Variants in SLC35F4 observed in about 807,000 individuals in gnomAD.
SLC35F4 encodes the protein chromosome 14 open reading frame 36.
In SLC35F4, 24 loss-of-function variants were observed where a neutral mutation model predicts 44.2. The ratio of observed to expected loss-of-function variants is 0.54; its 90% CI spans 0.39 to 0.76. SLC35F4 has a LOEUF of 0.76. Among genes scored for constraint, SLC35F4 ranks in the 30% least tolerant of loss-of-function variants. The pLI, the probability that SLC35F4 is intolerant of heterozygous loss-of-function variation, is 0.00. For synonymous variants in SLC35F4, 238 were observed against 223.6 expected (o/e 1.06, Z -0.57); for missense variants, 562 against 586.1 (o/e 0.96, Z 0.42).
At chr14:57,701,479 A>C (rs2075539948) in intron 1 of SLC35F4, among the ~76,000 whole-genome samples, 1 of 152,212 alleles carries the variant, frequency 6.6e-6, no homozygotes, top group Admixed American at 6.5e-5. Context: ...TATCATTATC[A>C]AGTATTATAT....
At chr14:57,916,144 C>A (rs1889325347) in intron 1 of SLC35F4, among the ~76,000 whole-genome samples, 1 of 152,074 alleles carries the variant, frequency 6.6e-6, no homozygotes, top group Non-Finnish European at 1.5e-5. Context: ...CATGGTGAAA[C>A]AATGGAAGGG....
intron 1 of SLC35F4, among the ~76,000 whole-genome samples, chr14:57,806,577 TTTTA>T (rs1315802607): frequency 6.6e-6 from 1 of 152,192 alleles, no homozygotes; most frequent in Non-Finnish European, 1.5e-5. Context: ...CTTCAAATAA[TTTTA>T]TTTAATAGAA....
At chr14:57,855,912 T>C (rs1024804351) in intron 1 of SLC35F4, among the ~76,000 whole-genome samples, 1 of 152,218 alleles carries the variant, frequency 6.6e-6, no homozygotes, top group South Asian at 2.1e-4. Context: ...AGCTGGAAAC[T>C]ATCATTCTCA....
intron 1 of SLC35F4, among the ~76,000 whole-genome samples, chr14:57,629,640 GTTT>G (rs2072664978): frequency 6.6e-6 from 1 of 152,064 alleles, no homozygotes; most frequent in Admixed American, 6.6e-5. Flanking sequence ...AAAAGAAACT[GTTT>G]TCTCATGGAA....
At chr14:57,813,641 GT>G (rs1310837148) in intron 1 of SLC35F4, among the ~76,000 whole-genome samples, 2 of 152,118 alleles carry the variant, frequency 1.3e-5, no homozygotes, top group Admixed American at 1.3e-4. Flanking sequence ...AAGATATGGG[GT>G]TTTATAAGTA....
intron 1 of SLC35F4, among the ~76,000 whole-genome samples, chr14:57,900,489 C>T (rs1888977153): frequency 1.3e-5 from 2 of 152,130 alleles, no homozygotes; most frequent in Admixed American, 6.5e-5. Context: ...GGAAAGTGCC[C>T]CTCTCTTTCT....
At chr14:57,857,753 C>T (rs2141002051) in intron 1 of SLC35F4, among the ~76,000 whole-genome samples, 1 of 152,080 alleles carries the variant, frequency 6.6e-6, no homozygotes, top group East Asian at 1.9e-4. Flanking sequence ...GATTAGCCAG[C>T]CTGGGGCATT....
intron 1 of SLC35F4, among the ~76,000 whole-genome samples, chr14:57,832,566 A>G (rs570095699): frequency 6.6e-6 from 1 of 152,336 alleles, no homozygotes; most frequent in African/African-American, 2.4e-5. Context: ...TGACAGGACT[A>G]TTTTACTATC....
chr14:57,963,911 TG>T (rs1039721189), intron 1 of SLC35F4, among the ~76,000 whole-genome samples: 29 of 151,898 alleles, frequency 1.9e-4, no homozygotes, highest in African/African-American at 7.0e-4. Flanking sequence ...TTTGCAGAGA[TG>T]GGGTCTCGTC....
intron 1 of SLC35F4, among the ~76,000 whole-genome samples, chr14:57,668,922 G>A (rs2074413686): frequency 6.6e-6 from 1 of 152,056 alleles, no homozygotes; most frequent in South Asian, 2.1e-4. Context: ...ACCTTGGGCA[G>A]TATGGCCATT....
chr14:57,823,719 C>T (rs1883426221), intron 1 of SLC35F4, among the ~76,000 whole-genome samples: 1 of 152,106 alleles, frequency 6.6e-6, no homozygotes, highest in Admixed American at 6.6e-5. Flanking sequence ...GTGTTTATTA[C>T]ATAGAAATTC....
intron 1 of SLC35F4, among the ~76,000 whole-genome samples, chr14:57,664,707 G>A (rs550036071): frequency 3.9e-5 from 6 of 152,226 alleles, no homozygotes; most frequent in East Asian, 1.9e-4. Flanking sequence ...CACTGTGTCC[G>A]GCAGTCCAGT....
At chr14:57,613,735 A>G (rs1337791276) in intron 1 of SLC35F4, among the ~76,000 whole-genome samples, 1 of 152,216 alleles carries the variant, frequency 6.6e-6, no homozygotes, top group Non-Finnish European at 1.5e-5. Context: ...CAGCTGAAAG[A>G]GCCCAGACTT....
rs543963927 is a variant in SLC35F4, at chr14:57,586,717, C to CAAAAAAA, written c.587+2492_587+2498dup. Among the ~76,000 whole-genome samples the CAAAAAAA allele has an allele frequency of 3.2e-4, 4 of 12,496 alleles. 1 individual carries two copies. The highest frequency in any genetic ancestry group is 0.016 in the East Asian group (2 of 126). 8.2% of individuals were successfully genotyped at this position (12,496 alleles called of 152,430 possible). ...TGGGTGACAGAGCGAGACTCTGTCT[C>CAAAAAAA]AAAAAAAAAAAAAAAAAAAAAAAAA... On this transcript the variant is annotated intron_variant, in intron 3 of 7. Transcript: ENST00000556826.
chr14:57,599,700 G>A (rs2070699201), intron 1 of SLC35F4, among the ~76,000 whole-genome samples: 1 of 150,570 alleles, frequency 6.6e-6, no homozygotes. Flanking sequence ...AAATTCTCGT[G>A]TTGAGGCAGG....
intron 1 of SLC35F4, among the ~76,000 whole-genome samples, chr14:57,849,171 TACTG>T (rs111949207): frequency 0.027 from 4,155 of 152,298 alleles, 197 homozygotes; most frequent in African/African-American, 0.095. Flanking sequence ...TATCCAAGAA[TACTG>T]ACTAACAATT....
intron 1 of SLC35F4, among the ~76,000 whole-genome samples, chr14:57,639,650 C>A (rs1436139425): frequency 6.6e-6 from 1 of 151,748 alleles, no homozygotes; most frequent in East Asian, 1.9e-4. Flanking sequence ...TGGTGAGGGG[C>A]CCAGTACTTT....
chr14:57,881,785 GT>G (rs34965982), intron 1 of SLC35F4, among the ~76,000 whole-genome samples: 12,505 of 152,004 alleles, frequency 0.082, 731 homozygotes, highest in African/African-American at 0.17. Flanking sequence ...TAGATTTGGG[GT>G]TTTTTTAAAG....
chr14:57,840,931 G>A lies in SLC35F4; in HGVS notation c.103+24792C>T, dbSNP rs533864513. Reference sequence around the variant, plus strand: ...ACATCAATTTATGCACATATTGTTAGATTAAGAATCTCTCATCTGAGGCAC... The same window carrying A: ...ACATCAATTTATGCACATATTGTTAAATTAAGAATCTCTCATCTGAGGCAC... On this transcript the variant is annotated intron_variant, in intron 1 of 7. Coordinates refer to ENST00000556826, the MANE Select transcript of SLC35F4 (RefSeq NM_001306087.2). Among the ~76,000 whole-genome samples, 22 of 152,226 alleles carry A rather than the reference G, an allele frequency of 1.4e-4. No individual in the cohort carries two copies. The South Asian group carries it at 4.6e-3, about 32-fold the overall frequency.
Sources: gnomAD v4.1 joint callset for allele counts (sites outside exome capture counted in the v4.1 genomes callset) on GRCh38, gnomAD v4.1.1 for gene constraint, MANE v1.5 for transcripts, NCBI Gene and HGNC (gene_info 2026-07-23, HGNC 2026-07-21) for gene names.